The following FGD5 variants were observed in gnomAD, a reference collection of about 807,000 sequenced individuals.
The protein encoded by FGD5 is FYVE, RhoGEF and PH domain containing 5.
FGD5 carries 28 observed loss-of-function variants against 133.4 expected under a neutral mutation model. The observed-to-expected ratio is 0.21, with a 90% confidence interval of 0.16 to 0.29. The LOEUF is 0.29. Among genes scored for constraint, FGD5 ranks in the 10% least tolerant of loss-of-function variants. FGD5 has a pLI of 1.00. For synonymous variants in FGD5, 810 were observed against 776.5 expected (o/e 1.04, Z -0.72); for missense variants, 1,858 against 1,895.2 (o/e 0.98, Z 0.36).
At chr3:14,863,840 G>C (rs1361879066) in intron 1 of FGD5, among the ~76,000 whole-genome samples, 1 of 152,184 alleles carries the variant, frequency 6.6e-6, no homozygotes, top group Admixed American at 6.5e-5. Context: ...AACATCTTCT[G>C]CCCGCATCCT....
intron 2 of FGD5, among the ~76,000 whole-genome samples, chr3:14,865,681 C>G (rs2037480841): frequency 6.6e-6 from 1 of 152,198 alleles, no homozygotes; most frequent in Admixed American, 6.5e-5. Context: ...CACCATTACT[C>G]CTGTTTTACA....
chr3:14,928,918 C>G (rs1002265268), intron 18 of FGD5, among the ~76,000 whole-genome samples: 1 of 151,408 alleles, frequency 6.6e-6, no homozygotes, highest in African/African-American at 2.4e-5. Context: ...GTTTTTGTAC[C>G]TTTTTTTTGC....
chr3:14,835,958 A>G (rs1262768300), intron 1 of FGD5, among the ~76,000 whole-genome samples: 1 of 152,190 alleles, frequency 6.6e-6, no homozygotes, highest in Admixed American at 6.5e-5. Context: ...CCTCTGAAAG[A>G]CTGAGGGTCT....
At position 14,911,155 on chromosome 3, in the gene FGD5, T is replaced by G. The variant is rs187677971; in HGVS notation, c.3405+226T>G. 2.7e-3 allele frequency among the ~76,000 whole-genome samples: 406 copies of G among 152,280 alleles called. 4 individuals carry two copies. Among genetic ancestry groups the G allele is most frequent in the Middle Eastern group, 0.02 (6 of 294 alleles). ...TGAGTGGAATGTTGGCAAGATGTAG[T>G]TACCCACATCCCCACCTTAAATATC... On this transcript the variant is annotated intron_variant, in intron 11 of 19. Transcript: ENST00000285046.
chr3:14,925,457 G>C (rs998370524), intron 17 of FGD5, among the ~76,000 whole-genome samples: 6 of 152,122 alleles, frequency 3.9e-5, no homozygotes, highest in Admixed American at 6.6e-5. Flanking sequence ...AGACTTAGAA[G>C]AAGTCAGCAA....
At chr3:14,898,685 G>T (rs1028361525) in intron 6 of FGD5, 54 bp from the exon 7 acceptor site, 2 of 1,438,644 alleles carry the variant, frequency 1.4e-6, no homozygotes, top group East Asian at 5.0e-5. Flanking sequence ...TGTGAGCATG[G>T]TGCCTTCAGG....
intron 11 of FGD5, among the ~76,000 whole-genome samples, chr3:14,913,017 C>T (rs2038481460): frequency 6.6e-6 from 1 of 151,968 alleles, no homozygotes; most frequent in Admixed American, 6.5e-5. Context: ...GCCTGGGCGA[C>T]AGAGTGAGAT....
chr3:14,892,760 C>T (rs1057344676), intron 4 of FGD5, among the ~76,000 whole-genome samples: 6 of 151,544 alleles, frequency 4.0e-5, no homozygotes, highest in African/African-American at 9.7e-5. Flanking sequence ...CAGAGGTTGC[C>T]GTGAGCCAAG....
chr3:14,846,390 G>C (rs1316563086), intron 1 of FGD5, among the ~76,000 whole-genome samples: 1 of 152,186 alleles, frequency 6.6e-6, no homozygotes, highest in African/African-American at 2.4e-5. Context: ...GGTTTTCCCA[G>C]CTTTCTATTG....
chr3:14,822,665 T>C (rs1466514384), intron 1 of FGD5, among the ~76,000 whole-genome samples: 3 of 152,166 alleles, frequency 2.0e-5, no homozygotes, highest in Non-Finnish European at 4.4e-5. Context: ...TGGACACAAC[T>C]TAAAGGTGAT....
intron 1 of FGD5, among the ~76,000 whole-genome samples, chr3:14,826,223 T>TGCG (rs2036595196): frequency 1.3e-5 from 2 of 152,208 alleles, no homozygotes; most frequent in African/African-American, 4.8e-5. Context: ...CACATGTTGC[T>TGCG]GCACTGGCTT....
intron 2 of FGD5, among the ~76,000 whole-genome samples, chr3:14,868,768 CTCT>C (rs1398212920): frequency 1.3e-5 from 2 of 152,210 alleles, no homozygotes; most frequent in South Asian, 4.1e-4. Context: ...CCAGTCCCTC[CTCT>C]TCTTCCACAG....
At position 14,932,346 on chromosome 3, in the gene FGD5, G is replaced by A. The variant is rs13319068; in HGVS notation, c.4198-231G>A. On this transcript the variant is annotated intron_variant, in intron 18 of 19. Coordinates refer to ENST00000285046, the MANE Select transcript of FGD5 (RefSeq NM_152536.4). ...GATCCACCCGCCTCAGCCTCCCAAA[G>A]TACTGGGATTACAGGCGTGAGCCAC... 4,049 of 442,178 alleles carry A rather than the reference G, an allele frequency of 9.2e-3. 141 individuals are homozygous for A. Among genetic ancestry groups the A allele is most frequent in the African/African-American group, 0.071 (3,486 of 49,142 alleles). 27.4% of individuals were successfully genotyped at this position (442,178 alleles called of 1,614,324 possible). A position where few individuals can be genotyped will look rare whatever the true frequency, so the allele number is the denominator to read the frequency against.
intron 2 of FGD5, among the ~76,000 whole-genome samples, chr3:14,866,432 G>A (rs2037495198): frequency 6.6e-6 from 1 of 152,010 alleles, no homozygotes; most frequent in South Asian, 2.1e-4. Flanking sequence ...TATTACCCAG[G>A]ATCTGGTCTC....
At position 14,820,872 on chromosome 3, in the gene FGD5, C is replaced by T; in HGVS notation, c.1801C>T (p.Leu601Phe). The part of the protein sequence containing the change: ...SSGSFSQRNH[L>F]PSSGTSTPSS... The stretch of plus-strand genomic sequence containing the variant: ...TGGGAGTTTCTCCCAGAGAAACCAC[C>T]TTCCGTCCAGCGGCACCTCCACGCC... Residue 601 changes from leucine (L) to phenylalanine (F), a missense_variant, in exon 1 of 20, where the codon CTT becomes TTT. Coordinates refer to ENST00000285046, the MANE Select transcript of FGD5 (RefSeq NM_152536.4). 1 of 1,613,694 alleles carries T rather than the reference C, an allele frequency of 6.2e-7. No individual in the cohort carries two copies. The highest frequency in any genetic ancestry group is 8.5e-7 in the Non-Finnish European group (1 of 1,179,792).
intron 17 of FGD5, among the ~76,000 whole-genome samples, 158 bp from the exon 18 acceptor site, chr3:14,925,912 T>G (rs1410527737): frequency 6.6e-6 from 1 of 152,224 alleles, no homozygotes; most frequent in African/African-American, 2.4e-5. Context: ...AGCACTATCT[T>G]GCTGACTTTG....
rs571740642 is a variant in FGD5 at position 14,923,832 on chromosome 3, C to T, written c.3938-176C>T. 5.0e-6 allele frequency: 4 copies of T among 802,802 alleles called. No individual in the cohort carries two copies. In the South Asian group the frequency reaches 7.1e-5, roughly 14 times the overall value. The allele number at this position is 802,802 out of a possible 1,614,324, so 49.7% of individuals were successfully genotyped here. On this transcript the variant is annotated intron_variant, in intron 16 of 19. Coordinates refer to ENST00000285046, the MANE Select transcript of FGD5 (RefSeq NM_152536.4). ...CCTGGAAAAGCGTCCCCTCCCCAGC[C>T]CCCATAGCCTTTGTCTGTTCCTGCA... is the stretch of plus-strand genomic sequence containing the variant.
rs774245224 is a variant in FGD5 at position 14,901,024 on chromosome 3, A to G, written c.3227A>G (p.Lys1076Arg). The change falls in exon 9 of 20, where the codon AAA (lysine) becomes AGA (arginine). Residue 1076 changes from lysine to arginine, a missense_variant. Coordinates refer to ENST00000285046, the MANE Select transcript of FGD5 (RefSeq NM_152536.4). ...CCAGGTGCACTGAGCCTCATCTCCA[A>G]AGTCACAGACCGTGCCAACGACAGC... ...NTQGALSLIS[K>R]VTDRANDSME... is the part of the protein sequence containing the mutation. 37 of 1,613,938 alleles carry G rather than the reference A, an allele frequency of 2.3e-5. No individual in the cohort carries two copies. Among genetic ancestry groups the G allele is most frequent in the Non-Finnish European group, 2.6e-5 (31 of 1,179,838 alleles).
rs1422034140 is a variant in FGD5 at position 14,845,500 on chromosome 3, G to C, written c.2526-18628G>C. On this transcript the variant is annotated intron_variant, in intron 1 of 19. Transcript: ENST00000285046. Reference sequence around the variant, plus strand: ...TGCATTGTTGCAGTTTTAGTTTTTGGTTCCTTTCCGTACTCTGAAACGTTA... The same window carrying C: ...TGCATTGTTGCAGTTTTAGTTTTTGCTTCCTTTCCGTACTCTGAAACGTTA... Among the ~76,000 whole-genome samples, 3 of 152,250 alleles carry C rather than the reference G, an allele frequency of 2.0e-5. No individual in the cohort carries two copies. In the South Asian group the frequency reaches 6.2e-4, roughly 32 times the overall value.
Sources: allele counts gnomAD v4.1 joint callset (sites outside exome capture counted in the v4.1 genomes callset), GRCh38; gene constraint gnomAD v4.1.1; transcripts MANE v1.5; gene names NCBI Gene and HGNC (gene_info 2026-07-23, HGNC 2026-07-21).